The following IMMP2L variants were observed in gnomAD, a reference collection of about 807,000 sequenced individuals.
The protein encoded by IMMP2L is mitochondrial inner membrane protease subunit 2.
IMMP2L carries 18 observed loss-of-function variants against 19.3 expected under a neutral mutation model. That is an observed-to-expected ratio of 0.93 (90% confidence interval 0.64 to 1.38). IMMP2L has a LOEUF of 1.38. Ranked by LOEUF, IMMP2L falls within the 40% of genes most tolerant of loss-of-function variation. The probability of loss-of-function intolerance (pLI) is 0.00; values close to 1 mark genes in which losing one functional copy is unlikely to be tolerated. For synonymous variants in IMMP2L, 76 were observed against 73.0 expected (o/e 1.04, Z -0.21); for missense variants, 233 against 218.2 (o/e 1.07, Z -0.43).
chr7:111,510,383 T>C (rs1845329707), intron 2 of IMMP2L, among the ~76,000 whole-genome samples: 1 of 152,094 alleles, frequency 6.6e-6, no homozygotes, highest in Non-Finnish European at 1.5e-5. Flanking sequence ...TATACATACA[T>C]ATACATAAAT....
chr7:111,338,007 T>C (rs938963507), intron 3 of IMMP2L, among the ~76,000 whole-genome samples: 2 of 152,036 alleles, frequency 1.3e-5, no homozygotes, highest in Admixed American at 6.6e-5. Flanking sequence ...AAAGGATAGA[T>C]TACGATTCAG....
chr7:110,986,054 T>A (rs907763132), intron 3 of IMMP2L, among the ~76,000 whole-genome samples: 1 of 152,162 alleles, frequency 6.6e-6, no homozygotes, highest in Admixed American at 6.6e-5. Context: ...AAAATTAGCT[T>A]ATTAGTTTAT....
At chr7:111,230,596 G>C (rs1465956638) in intron 3 of IMMP2L, among the ~76,000 whole-genome samples, 1 of 152,006 alleles carries the variant, frequency 6.6e-6, no homozygotes, top group Admixed American at 6.6e-5. Context: ...TTTAGGCTTA[G>C]GTGGTGGTAT....
At chr7:111,000,704 C>T (rs755690765) in intron 3 of IMMP2L, among the ~76,000 whole-genome samples, 35 of 151,924 alleles carry the variant, frequency 2.3e-4, no homozygotes, top group Admixed American at 1.1e-3. Flanking sequence ...AGTATTCTGG[C>T]GTGGTGGTGG....
intron 3 of IMMP2L, among the ~76,000 whole-genome samples, chr7:110,978,734 A>T (rs1349498350): frequency 6.6e-6 from 1 of 152,096 alleles, no homozygotes. Context: ...AGAAAAAAGT[A>T]TTTAACCCCA....
chr7:111,255,321 G>A (rs1454755383), intron 3 of IMMP2L, among the ~76,000 whole-genome samples: 1 of 152,028 alleles, frequency 6.6e-6, no homozygotes, highest in Non-Finnish European at 1.5e-5. Context: ...GCACAACATT[G>A]ACAGCTGCAA....
At chr7:111,394,228 A>C (rs1416217549) in intron 3 of IMMP2L, among the ~76,000 whole-genome samples, 1 of 152,162 alleles carries the variant, frequency 6.6e-6, no homozygotes, top group African/African-American at 2.4e-5. Context: ...ACAAAGATGA[A>C]TCTTAGGTTT....
rs1053581913 is a variant in IMMP2L, at chr7:111,372,394, G to A, written c.239+114844C>T. Reference sequence around the variant, plus strand: ...GGAGCCACATGAAAGAAAAGAATACGTATCTCTTGTTCTCCTTCCTTCTGT... The same window carrying A: ...GGAGCCACATGAAAGAAAAGAATACATATCTCTTGTTCTCCTTCCTTCTGT... On this transcript the variant is annotated intron_variant, in intron 3 of 5. Coordinates refer to ENST00000405709, the MANE Select transcript of IMMP2L (RefSeq NM_032549.4). Among the ~76,000 whole-genome samples, 8 of 151,914 alleles carry A rather than the reference G, an allele frequency of 5.3e-5. No individual in the cohort carries two copies. The East Asian group carries it at 7.7e-4, about 15-fold the overall frequency.
chr7:111,019,775 T>C (rs1826088552), intron 3 of IMMP2L, among the ~76,000 whole-genome samples: 1 of 152,154 alleles, frequency 6.6e-6, no homozygotes, highest in African/African-American at 2.4e-5. Flanking sequence ...GAGGCTGGCC[T>C]GGTGACACTG....
intron 2 of IMMP2L, among the ~76,000 whole-genome samples, chr7:111,498,044 T>C (rs1843758589): frequency 6.6e-6 from 1 of 152,010 alleles, no homozygotes; most frequent in Non-Finnish European, 1.5e-5. Context: ...GAATTGTTTT[T>C]GAAGGGGAAA....
intron 3 of IMMP2L, among the ~76,000 whole-genome samples, chr7:111,156,456 T>A (rs932727484): frequency 2.6e-5 from 4 of 152,144 alleles, no homozygotes; most frequent in African/African-American, 9.7e-5. Context: ...TTATTCTTCT[T>A]TTTCAAGACT....
chr7:111,218,122 C>T (rs993849911), intron 3 of IMMP2L, among the ~76,000 whole-genome samples: 1 of 151,960 alleles, frequency 6.6e-6, no homozygotes, highest in Non-Finnish European at 1.5e-5. Context: ...TCACTCTTTC[C>T]CTATATATGA....
chr7:111,085,690 G>A (rs921764165), intron 3 of IMMP2L, among the ~76,000 whole-genome samples: 1 of 152,058 alleles, frequency 6.6e-6, no homozygotes, highest in Non-Finnish European at 1.5e-5. Flanking sequence ...GCACATGTAT[G>A]TTCACTGCAG....
intron 3 of IMMP2L, among the ~76,000 whole-genome samples, chr7:111,165,615 T>G (rs922709317): frequency 1.3e-5 from 2 of 152,100 alleles, no homozygotes; most frequent in African/African-American, 2.4e-5. Context: ...AAGTTCAGTT[T>G]TAAAAATCGT....
intron 3 of IMMP2L, among the ~76,000 whole-genome samples, chr7:111,432,001 A>G (rs1461981850): frequency 6.6e-6 from 1 of 151,890 alleles, no homozygotes; most frequent in African/African-American, 2.4e-5. Flanking sequence ...AAACCACTCC[A>G]GTAAATTAAT....
intron 3 of IMMP2L, among the ~76,000 whole-genome samples, chr7:111,473,872 A>G (rs1841486808): frequency 6.6e-6 from 1 of 152,150 alleles, no homozygotes; most frequent in African/African-American, 2.4e-5. Flanking sequence ...ACACACTCAT[A>G]TGTTCATCAC....
At chr7:111,489,200 C>A (rs1293424286) in intron 2 of IMMP2L, among the ~76,000 whole-genome samples, 1 of 151,922 alleles carries the variant, frequency 6.6e-6, no homozygotes, top group Non-Finnish European at 1.5e-5. Context: ...CCTGCCATCA[C>A]GCCCAGCTAA....
intron 3 of IMMP2L, among the ~76,000 whole-genome samples, chr7:111,353,151 C>T (rs1313893844): frequency 6.6e-6 from 1 of 152,208 alleles, no homozygotes; most frequent in Non-Finnish European, 1.5e-5. Flanking sequence ...CTGCCACCAG[C>T]ACACTATCAT....
At chr7:111,352,843 T>C (rs1052553561) in intron 3 of IMMP2L, among the ~76,000 whole-genome samples, 3 of 152,174 alleles carry the variant, frequency 2.0e-5, no homozygotes, top group African/African-American at 7.2e-5. Context: ...TAGTAGACTC[T>C]AATCATGTAT....
Sources: gnomAD v4.1 joint callset for allele counts (sites outside exome capture counted in the v4.1 genomes callset) on GRCh38, gnomAD v4.1.1 for gene constraint, MANE v1.5 for transcripts, NCBI Gene and HGNC (gene_info 2026-07-23, HGNC 2026-07-21) for gene names.